Variants in PPP3R1 observed in about 807,000 individuals in gnomAD.
The protein encoded by PPP3R1 is protein phosphatase 3 regulatory subunit B, alpha.
PPP3R1 carries 5 observed loss-of-function variants against 22.6 expected under a neutral mutation model. That is an observed-to-expected ratio of 0.22 (90% CI 0.12 to 0.46). The LOEUF (loss-of-function observed/expected upper bound fraction) is 0.46, where lower values mean the gene tolerates loss of function less well. Among genes scored for constraint, PPP3R1 ranks in the 20% least tolerant of loss-of-function variants. PPP3R1 has a pLI of 0.99. For synonymous variants in PPP3R1, 56 were observed against 65.2 expected (o/e 0.86, Z 0.68); for missense variants, 61 against 203.2 (o/e 0.30, Z 4.25).
intron 1 of PPP3R1, 47 bp downstream of exon 1, chr2:68,252,078 G>A (rs1670375458): frequency 1.4e-6 from 2 of 1,388,684 alleles, no homozygotes; most frequent in South Asian, 1.5e-5. Context: ...GACCCGGACG[G>A]CGGCAGTAGG....
intron 2 of PPP3R1, among the ~76,000 whole-genome samples, chr2:68,205,530 C>G (rs904380900): frequency 6.6e-6 from 1 of 152,102 alleles, no homozygotes; most frequent in Non-Finnish European, 1.5e-5. Context: ...GCCACTGCAC[C>G]TAGCCTAAAC....
At chr2:68,231,214 T>C (rs942804420) in intron 1 of PPP3R1, among the ~76,000 whole-genome samples, 2 of 152,198 alleles carry the variant, frequency 1.3e-5, no homozygotes, top group East Asian at 1.9e-4. Flanking sequence ...TAACTACTTC[T>C]GCCTGCTAGT....
intron 1 of PPP3R1, among the ~76,000 whole-genome samples, chr2:68,233,267 C>A (rs1669953484): frequency 6.6e-6 from 1 of 152,200 alleles, no homozygotes; most frequent in Non-Finnish European, 1.5e-5. Flanking sequence ...GTTTTGTTTA[C>A]TCTTCAGTTC....
intron 1 of PPP3R1, among the ~76,000 whole-genome samples, chr2:68,230,443 T>C (rs564362432): frequency 2.1e-5 from 3 of 140,150 alleles, no homozygotes; most frequent in South Asian, 4.6e-4. Context: ...CACAATCTCA[T>C]TGGTATCATC....
Position 68,252,530 on chromosome 2 carries a change from C to T in PPP3R1, c.-403G>A. On this transcript the variant is annotated 5_prime_UTR_variant, in exon 1 of 6. Transcript: ENST00000234310. ...CTCGCGCTGACCCGCAACCTCAAGG[C>T]ACGAAAAAAGGGGAGGGCGGAGAGG... 5 of 887,378 alleles carry T rather than the reference C, an allele frequency of 5.6e-6. No individual in the cohort carries two copies. The highest frequency in any genetic ancestry group is 1.1e-4 in the South Asian group (2 of 18,050). 55.0% of individuals were successfully genotyped at this position (887,378 alleles called of 1,614,324 possible).
At chr2:68,243,385 A>C (rs988883153) in intron 1 of PPP3R1, among the ~76,000 whole-genome samples, 1 of 152,184 alleles carries the variant, frequency 6.6e-6, no homozygotes, top group Non-Finnish European at 1.5e-5. Flanking sequence ...TTTATTATGG[A>C]GTCTATGGAG....
At chr2:68,205,826 CT>C (rs1029703101) in intron 2 of PPP3R1, among the ~76,000 whole-genome samples, 10 of 147,130 alleles carry the variant, frequency 6.8e-5, no homozygotes, top group Non-Finnish European at 9.1e-5. Context: ...GTAGGCTCTT[CT>C]TTTTTTTTTG....
chr2:68,211,040 A>G (rs1046194259), intron 2 of PPP3R1, among the ~76,000 whole-genome samples: 1 of 152,206 alleles, frequency 6.6e-6, no homozygotes, highest in Non-Finnish European at 1.5e-5. Context: ...AGTTATATTT[A>G]CGTATTACTG....
chr2:68,217,869 C>A (rs572418251), intron 1 of PPP3R1, among the ~76,000 whole-genome samples: 1 of 152,156 alleles, frequency 6.6e-6, no homozygotes, highest in Admixed American at 6.5e-5. Context: ...AAACTAGAGA[C>A]CTGGGTCAGT....
chr2:68,231,540 C>T (rs1161376875), intron 1 of PPP3R1, among the ~76,000 whole-genome samples: 2 of 152,162 alleles, frequency 1.3e-5, no homozygotes, highest in African/African-American at 4.8e-5. Context: ...TTACAAATCA[C>T]ACAAGTGCTT....
At chr2:68,185,344 T>A (rs1674513615) in intron 5 of PPP3R1, among the ~76,000 whole-genome samples, 1 of 149,278 alleles carries the variant, frequency 6.7e-6, no homozygotes, top group African/African-American at 2.4e-5. Context: ...ATATTTTAAT[T>A]TCCTTCCACT....
At chr2:68,187,228 A>G in intron 4 of PPP3R1, 27 bp downstream of exon 4, 4 of 1,550,910 alleles carry the variant, frequency 2.6e-6, no homozygotes, top group Non-Finnish European at 3.5e-6. Flanking sequence ...GTATAAGAGA[A>G]TGAAGTCAGT....
chr2:68,235,302 A>T (rs1669997712), intron 1 of PPP3R1, among the ~76,000 whole-genome samples: 1 of 152,142 alleles, frequency 6.6e-6, no homozygotes, highest in Non-Finnish European at 1.5e-5. Context: ...TGCAGCCATC[A>T]CCACAATCAA....
chr2:68,196,808 T>C (rs563879313), intron 2 of PPP3R1, among the ~76,000 whole-genome samples: 21 of 152,198 alleles, frequency 1.4e-4, no homozygotes, highest in African/African-American at 4.8e-4. Context: ...CACTGTAACC[T>C]CTGCCTCCTG....
chr2:68,212,999 TC>T (rs1669514839), intron 2 of PPP3R1, among the ~76,000 whole-genome samples: 1 of 152,196 alleles, frequency 6.6e-6, no homozygotes, highest in Admixed American at 6.5e-5. Flanking sequence ...CTTCCCCATC[TC>T]TCTCAGCCTT....
chr2:68,222,438 G>GATT, intron 1 of PPP3R1, among the ~76,000 whole-genome samples: 1 of 152,342 alleles, frequency 6.6e-6, no homozygotes, highest in South Asian at 2.1e-4. Flanking sequence ...TTGTGGAAGA[G>GATT]ATTAGCATCT....
intron 2 of PPP3R1, among the ~76,000 whole-genome samples, chr2:68,192,080 T>G (rs1395348238): frequency 6.6e-6 from 1 of 152,218 alleles, no homozygotes; most frequent in African/African-American, 2.4e-5. Context: ...GTAAAACTTA[T>G]TGATTAAAAT....
intron 1 of PPP3R1, among the ~76,000 whole-genome samples, chr2:68,227,563 T>C (rs1669806752): frequency 6.6e-6 from 1 of 150,812 alleles, no homozygotes; most frequent in African/African-American, 2.5e-5. Context: ...CCAAGCTTCT[T>C]TAATGATTTT....
intron 1 of PPP3R1, among the ~76,000 whole-genome samples, chr2:68,233,089 G>T (rs1669950801): frequency 6.6e-6 from 1 of 151,998 alleles, no homozygotes; most frequent in African/African-American, 2.4e-5. Flanking sequence ...TCTCTCTCTT[G>T]TAGAAAAATA....
Sources: gnomAD v4.1 joint callset for allele counts (sites outside exome capture counted in the v4.1 genomes callset) on GRCh38, gnomAD v4.1.1 for gene constraint, MANE v1.5 for transcripts, NCBI Gene and HGNC (gene_info 2026-07-23, HGNC 2026-07-21) for gene names.